The following KANK1 variants were observed in gnomAD, a reference collection of about 807,000 sequenced individuals.
KANK1 encodes the protein KN motif and ankyrin repeat domain-containing protein 1.
KANK1 carries 109 observed loss-of-function variants against 106.2 expected under a neutral mutation model. The observed-to-expected ratio is 1.03, with a 90% CI of 0.88 to 1.20. The LOEUF (loss-of-function observed/expected upper bound fraction) is 1.20, where lower values mean the gene tolerates loss of function less well. Among genes scored for constraint, KANK1 ranks in the 50% most tolerant of loss-of-function variants. KANK1 has a pLI of 0.00. For synonymous variants in KANK1, 873 were observed against 652.2 expected, an observed-to-expected ratio of 1.34 and a Z score of -5.16; for missense variants, 2,399 against 1,710.7, an observed-to-expected ratio of 1.40 and a Z score of -7.10.
At chr9:724,670 C>T (rs1379880558) in intron 3 of KANK1, among the ~76,000 whole-genome samples, 3 of 151,990 alleles carry the variant, frequency 2.0e-5, no homozygotes, top group Admixed American at 6.6e-5. Context: ...GGCGTGGTGG[C>T]GGGCACTTGT....
chr9:613,743 T>G (rs1252606463), intron 1 of KANK1, among the ~76,000 whole-genome samples: 1 of 152,146 alleles, frequency 6.6e-6, no homozygotes, highest in Non-Finnish European at 1.5e-5. Context: ...CTTCTTGAAC[T>G]TTACTTTAAA....
intron 1 of KANK1, among the ~76,000 whole-genome samples, chr9:564,159 A>G (rs906233814): frequency 1.3e-5 from 2 of 150,814 alleles, no homozygotes; most frequent in African/African-American, 2.4e-5. Flanking sequence ...TCCCGGGTTC[A>G]CGCCATTCTC....
intron 1 of KANK1, among the ~76,000 whole-genome samples, chr9:510,910 C>T (rs2059001386): frequency 1.3e-5 from 2 of 152,104 alleles, no homozygotes; most frequent in Admixed American, 1.3e-4. Context: ...GCTGCTAGAC[C>T]AGCCTTCATT....
At chr9:542,712 T>C (rs1409504135) in intron 1 of KANK1, among the ~76,000 whole-genome samples, 3 of 152,222 alleles carry the variant, frequency 2.0e-5, no homozygotes, top group African/African-American at 7.2e-5. Context: ...ACTGGAATAC[T>C]CTTCACCCTT....
chr9:520,270 T>C (rs1303518153), intron 1 of KANK1, among the ~76,000 whole-genome samples: 2 of 151,702 alleles, frequency 1.3e-5, no homozygotes, highest in Non-Finnish European at 2.9e-5. Context: ...CCTGGGGAGG[T>C]TAAGGCTGTA....
At chr9:730,383 A>C (rs1831888570) in intron 4 of KANK1, 135 bp downstream of exon 4, 1 of 929,480 alleles carries the variant, frequency 1.1e-6, no homozygotes, top group Non-Finnish European at 1.6e-6. Flanking sequence ...GTAGGCCCAG[A>C]ATATCTTTAA....
chr9:523,175 G>A lies in KANK1; in HGVS notation c.-84+18421G>A, dbSNP rs368728877. On this transcript the variant is annotated intron_variant, in intron 1 of 11. Transcript: ENST00000382297. Reference sequence around the variant, plus strand: ...AACTCCTTCCCCAGTATCTACACCCGAGTGTGTGGTGGCCACCTCAAATTC... The same window carrying A: ...AACTCCTTCCCCAGTATCTACACCCAAGTGTGTGGTGGCCACCTCAAATTC... Among the ~76,000 whole-genome samples, 14 of 151,440 alleles carry A rather than the reference G, an allele frequency of 9.2e-5. 1 individual carries two copies. The highest frequency in any genetic ancestry group is 3.4e-4 in the African/African-American group (14 of 40,872).
At chr9:568,320 A>C (rs897495863) in intron 1 of KANK1, among the ~76,000 whole-genome samples, 1 of 152,230 alleles carries the variant, frequency 6.6e-6, no homozygotes, top group African/African-American at 2.4e-5. Flanking sequence ...CTAACTTTAT[A>C]AAGTAAGCAT....
At chr9:706,726 A>G in intron 2 of KANK1, 2 of 951,036 alleles carry the variant, frequency 2.1e-6, no homozygotes, top group Non-Finnish European at 2.5e-6. Flanking sequence ...TCATAAGCCC[A>G]GGGCTGAGAA....
intron 3 of KANK1, among the ~76,000 whole-genome samples, chr9:479,083 TTC>T (rs2058157891): frequency 6.6e-6 from 1 of 152,172 alleles, no homozygotes; most frequent in Non-Finnish European, 1.5e-5. Context: ...TTTAAAATAC[TTC>T]TCTTTCACTT....
At chr9:671,049 G>A (rs1019409520) in intron 1 of KANK1, among the ~76,000 whole-genome samples, 4 of 147,110 alleles carry the variant, frequency 2.7e-5, no homozygotes, top group Non-Finnish European at 6.0e-5. Context: ...TGATAATCTC[G>A]ATGGTGTATA....
At chr9:627,310 G>C (rs1165532262) in intron 1 of KANK1, among the ~76,000 whole-genome samples, 1 of 152,062 alleles carries the variant, frequency 6.6e-6, no homozygotes. Context: ...AGTACCCAGG[G>C]CTACCCAGGT....
chr9:672,010 G>A (rs548793245), intron 1 of KANK1, among the ~76,000 whole-genome samples: 19 of 152,234 alleles, frequency 1.2e-4, no homozygotes, highest in South Asian at 8.3e-4. Flanking sequence ...AAGGATTTGC[G>A]CAAAGCCTCC....
At chr9:503,960 G>A (rs145443746), upstream of KANK1, among the ~76,000 whole-genome samples, 5 of 152,280 alleles carry the variant, frequency 3.3e-5, no homozygotes, top group East Asian at 9.7e-4. Flanking sequence ...TTCCGCCGAG[G>A]ACTCTGTCCT....
intron 1 of KANK1, among the ~76,000 whole-genome samples, chr9:590,343 G>T (rs537791458): frequency 2.0e-5 from 3 of 152,190 alleles, no homozygotes; most frequent in East Asian, 3.9e-4. Context: ...GGACTAGGCA[G>T]GTGCTCCCCA....
Position 731,206 on chromosome 9 carries a change from A to G in KANK1, c.2945A>G (p.Asp982Gly). 1 of 1,612,630 alleles carries G rather than the reference A, an allele frequency of 6.2e-7. No individual in the cohort carries two copies. Among genetic ancestry groups the G allele is most frequent in the Non-Finnish European group, 8.5e-7 (1 of 1,178,804 alleles). Residue 982 changes from aspartate (D) to glycine (G), a missense_variant, in exon 5 of 12, where the codon GAT becomes GGT. By Grantham distance (94) the Asp-to-Gly change is moderately conservative. Coordinates refer to ENST00000382297, the MANE Select transcript of KANK1 (RefSeq NM_015158.5). ...STLKSIMKKK[D>G]GNKDSNGAKK... ...CTGAAGTCCATCATGAAGAAGAAAG[A>G]TGGTAACAAAGATTCAAATGGCGCA...
chr9:524,989 T>A (rs1227684092), intron 1 of KANK1, among the ~76,000 whole-genome samples: 6 of 109,982 alleles, frequency 5.5e-5, no homozygotes, highest in Admixed American at 4.8e-4. Context: ...TGCCTTTTTT[T>A]TTTTTTTTTT....
intron 11 of KANK1, 74 bp from the exon 12 acceptor site, chr9:745,098 AT>A: frequency 6.4e-7 from 1 of 1,571,566 alleles, no homozygotes; most frequent in Non-Finnish European, 8.6e-7. Flanking sequence ...GTGGGCCAAG[AT>A]CCTATGTCAC....
chr9:490,958 CTTTTTTTTT>C (rs758168904), intron 3 of KANK1, among the ~76,000 whole-genome samples: 1 of 116,356 alleles, frequency 8.6e-6, no homozygotes, highest in East Asian at 2.8e-4. Context: ...GCTAAAGTGG[CTTTTTTTTT>C]TTTTTTTTTT....
Sources: allele counts gnomAD v4.1 joint callset (sites outside exome capture counted in the v4.1 genomes callset), GRCh38; gene constraint gnomAD v4.1.1; transcripts MANE v1.5; gene names NCBI Gene and HGNC (gene_info 2026-07-23, HGNC 2026-07-21).